FILIP1L: variants seen among roughly 807,000 people sequenced by gnomAD.
The protein encoded by FILIP1L is filamin A interacting protein 1 like, also known as filamin A-interacting protein 1-like.
A neutral mutation model predicts 96.6 loss-of-function variants in FILIP1L; 55 were observed. The observed-to-expected ratio is 0.57, with a 90% CI of 0.46 to 0.71. FILIP1L has a LOEUF of 0.71. Ranked by LOEUF, FILIP1L falls within the 30% of genes least tolerant of loss-of-function variation. FILIP1L has a pLI of 0.00. For missense variants in FILIP1L, 1,304 were observed against 1,321.2 expected (o/e 0.99, Z 0.20); for synonymous variants, 467 against 473.9 (o/e 0.99, Z 0.19).
At chr3:99,906,292 G>A (rs756562174) in intron 4 of FILIP1L, among the ~76,000 whole-genome samples, 3 of 152,152 alleles carry the variant, frequency 2.0e-5, no homozygotes, top group Non-Finnish European at 2.9e-5. Flanking sequence ...TTATAATGTT[G>A]AAACTCCCTT....
At chr3:99,851,225 G>C (rs535018367) in intron 4 of FILIP1L, 155 bp from the exon 5 acceptor site, 16 of 581,334 alleles carry the variant, frequency 2.8e-5, no homozygotes, top group African/African-American at 3.9e-5. Flanking sequence ...TGATGACAGA[G>C]GAAAATCTTG....
intron 1 of FILIP1L, among the ~76,000 whole-genome samples, chr3:100,004,401 T>C (rs1335291373): frequency 2.0e-5 from 3 of 152,200 alleles, no homozygotes; most frequent in Non-Finnish European, 4.4e-5. Flanking sequence ...AAATATTCTT[T>C]GTGTTCATAA....
At chr3:100,007,219 T>C (rs931074664) in intron 1 of FILIP1L, among the ~76,000 whole-genome samples, 2 of 152,232 alleles carry the variant, frequency 1.3e-5, no homozygotes, top group Admixed American at 6.5e-5. Context: ...TTTCTCTTCA[T>C]GACCATGAAA....
intron 1 of FILIP1L, among the ~76,000 whole-genome samples, chr3:100,028,757 C>T (rs2064971405): frequency 6.6e-6 from 1 of 152,016 alleles, no homozygotes; most frequent in African/African-American, 2.4e-5. Flanking sequence ...AGCACATTTC[C>T]AAGAGTCAGT....
At chr3:100,006,177 G>A (rs1284118271) in intron 1 of FILIP1L, among the ~76,000 whole-genome samples, 1 of 152,100 alleles carries the variant, frequency 6.6e-6, no homozygotes, top group East Asian at 1.9e-4. Flanking sequence ...TGGGGGCTGG[G>A]GCAGTAAGAC....
intron 1 of FILIP1L, chr3:100,040,264 T>C (rs1156826112): frequency 6.6e-6 from 1 of 152,210 alleles, no homozygotes; most frequent in East Asian, 1.9e-4. Flanking sequence ...CTTATTTGCA[T>C]ATTTCATTTG....
At chr3:100,030,903 T>A (rs2065011693) in intron 1 of FILIP1L, among the ~76,000 whole-genome samples, 1 of 152,184 alleles carries the variant, frequency 6.6e-6, no homozygotes, top group Non-Finnish European at 1.5e-5. Flanking sequence ...ATATAGATAT[T>A]CTTGGCTTAA....
At chr3:100,000,862 A>G (rs1402217628) in intron 1 of FILIP1L, among the ~76,000 whole-genome samples, 1 of 152,270 alleles carries the variant, frequency 6.6e-6, no homozygotes, top group South Asian at 2.1e-4. Context: ...TAACAAATAT[A>G]TTACTCAGTA....
Position 99,927,016 on chromosome 3 carries a change from C to T in FILIP1L, c.427-2608G>A, listed in dbSNP as rs554358445. 4.6e-5 allele frequency among the ~76,000 whole-genome samples: 7 copies of T among 152,324 alleles called. No homozygotes were observed. In the South Asian group the frequency reaches 1.5e-3, roughly 32 times the overall value. Reference sequence around the variant, plus strand: ...TCGGGGCCAAAAGGCCCTTCACCATCTGAACCTCCTGCCACCTTGGCCCCA... The same window carrying T: ...TCGGGGCCAAAAGGCCCTTCACCATTTGAACCTCCTGCCACCTTGGCCCCA... On this transcript the variant is annotated intron_variant, in intron 3 of 5. Transcript: ENST00000477258.
chr3:99,930,645 T>G (rs527589826), intron 2 of FILIP1L, 124 bp downstream of exon 2: 2 of 994,090 alleles, frequency 2.0e-6, no homozygotes, highest in East Asian at 4.9e-5. Context: ...TATATACTTA[T>G]GCTTTGCTTT....
chr3:99,971,680 T>A (rs906720869), intron 1 of FILIP1L, among the ~76,000 whole-genome samples: 3 of 152,200 alleles, frequency 2.0e-5, no homozygotes, highest in Non-Finnish European at 4.4e-5. Flanking sequence ...CCTGCTTTCA[T>A]CAGGACCTCA....
chr3:99,865,770 A>ATC (rs1944482092), intron 4 of FILIP1L, among the ~76,000 whole-genome samples: 1 of 151,792 alleles, frequency 6.6e-6, no homozygotes, highest in African/African-American at 2.4e-5. Context: ...ATATATATAT[A>ATC]TCCTTAGAAA....
intron 1 of FILIP1L, among the ~76,000 whole-genome samples, chr3:100,077,227 C>T (rs2065863985): frequency 6.6e-6 from 1 of 152,190 alleles, no homozygotes. Flanking sequence ...AATGGGAACA[C>T]ACCATCATGC....
chr3:99,955,999 T>A (rs1391986381), intron 1 of FILIP1L, among the ~76,000 whole-genome samples: 2 of 152,234 alleles, frequency 1.3e-5, no homozygotes, highest in Non-Finnish European at 2.9e-5. Context: ...AGTCCTTGGC[T>A]AGGTTGTAAG....
chr3:99,998,159 A>G (rs1294023715), intron 1 of FILIP1L, among the ~76,000 whole-genome samples: 1 of 152,246 alleles, frequency 6.6e-6, no homozygotes, highest in African/African-American at 2.4e-5. Flanking sequence ...AAGATCTGTT[A>G]CCATCTGAAA....
chr3:100,000,046 G>A (rs967951647), intron 1 of FILIP1L, among the ~76,000 whole-genome samples: 1 of 152,112 alleles, frequency 6.6e-6, no homozygotes, highest in Non-Finnish European at 1.5e-5. Flanking sequence ...CCTGTAATGG[G>A]GCCCAGGCAT....
intron 1 of FILIP1L, among the ~76,000 whole-genome samples, chr3:100,070,230 T>G (rs1451177034): frequency 6.6e-6 from 1 of 152,192 alleles, no homozygotes; most frequent in African/African-American, 2.4e-5. Context: ...GATAGTTAAT[T>G]GAAGTTAGAT....
intron 1 of FILIP1L, among the ~76,000 whole-genome samples, chr3:100,026,593 T>C (rs1314652176): frequency 6.6e-6 from 1 of 152,182 alleles, no homozygotes; most frequent in Non-Finnish European, 1.5e-5. Context: ...TTTCTTCTAC[T>C]TGTTCAAAGC....
rs369022429 is a variant in FILIP1L at position 100,051,119 on chromosome 3, GAC to G, written c.-11+62932_-11+62933del. The G allele has an allele frequency of 1.2e-4, 18 of 152,046 alleles. 1 individual carries two copies. The East Asian group carries it at 3.5e-3, about 29-fold the overall frequency. 9.4% of individuals were successfully genotyped at this position (152,046 alleles called of 1,614,324 possible). A position where few individuals can be genotyped will look rare whatever the true frequency, so the allele number is the denominator to read the frequency against. On this transcript the variant is annotated intron_variant, in intron 1 of 5. Transcript: ENST00000477258. ...TTGAATAATATATACTTATTATAAA[GAC>G]AGTTGTTAAGATCAGTGAAACCCTT... is the stretch of plus-strand genomic sequence containing the variant.
Sources: gnomAD v4.1 joint callset for allele counts (sites outside exome capture counted in the v4.1 genomes callset) on GRCh38, gnomAD v4.1.1 for gene constraint, MANE v1.5 for transcripts, NCBI Gene and HGNC (gene_info 2026-07-23, HGNC 2026-07-21) for gene names.